The following PLXDC2 variants were observed in gnomAD, a reference collection of about 807,000 sequenced individuals.
The protein encoded by PLXDC2 is plexin domain-containing protein 2.
PLXDC2 carries 40 observed loss-of-function variants against 68.9 expected under a neutral mutation model. That is an observed-to-expected ratio of 0.58 (90% CI 0.45 to 0.76). PLXDC2 has a LOEUF of 0.76. PLXDC2 is among the 30% of genes least tolerant of loss of function. PLXDC2 has a pLI of 0.00. For missense variants in PLXDC2, 644 were observed against 661.9 expected (o/e 0.97, Z 0.30); for synonymous variants, 243 against 234.2 (o/e 1.04, Z -0.34).
intron 9 of PLXDC2, among the ~76,000 whole-genome samples, chr10:20,198,025 A>G (rs1208630272): frequency 6.6e-6 from 1 of 152,166 alleles, no homozygotes; most frequent in Admixed American, 6.6e-5. Flanking sequence ...CTTCTGTTAG[A>G]TAATAAATTT....
chr10:20,270,942 T>TA (rs34934677), intron 13 of PLXDC2, among the ~76,000 whole-genome samples: 170 of 140,200 alleles, frequency 1.2e-3, no homozygotes, highest in African/African-American at 2.7e-3. Flanking sequence ...TTGGGTATCT[T>TA]AAAAAAAAAA....
In PLXDC2 at chr10:20,046,861, T is replaced by C; in HGVS notation, c.325-8T>C. ...GTTCTTGATATACATTATTATCTAT[T>C]ATTGCAGGAGGATACAGACCACAAT... is the stretch of plus-strand genomic sequence containing the variant. On this transcript the variant is annotated splice_region_variant and splice_polypyrimidine_tract_variant and intron_variant, in intron 2 of 13. Transcript: ENST00000377252. 6.3e-7 allele frequency: 1 copy of C among 1,594,184 alleles called. No individual in the cohort carries two copies. The highest frequency in any genetic ancestry group is 1.1e-5 in the South Asian group (1 of 87,396).
intron 4 of PLXDC2, among the ~76,000 whole-genome samples, chr10:20,105,827 A>G (rs1833484298): frequency 6.6e-6 from 1 of 152,218 alleles, no homozygotes; most frequent in Non-Finnish European, 1.5e-5. Flanking sequence ...CAAATCCTCG[A>G]GCTGCTCTCT....
intron 1 of PLXDC2, among the ~76,000 whole-genome samples, chr10:19,826,386 C>G (rs1836569717): frequency 6.6e-6 from 1 of 152,106 alleles, no homozygotes; most frequent in African/African-American, 2.4e-5. Flanking sequence ...AAAAATTGAA[C>G]TAAGAGACAT....
chr10:19,991,665 C>A (rs1185915564), intron 1 of PLXDC2, among the ~76,000 whole-genome samples: 1 of 151,956 alleles, frequency 6.6e-6, no homozygotes, highest in Non-Finnish European at 1.5e-5. Flanking sequence ...GGATTCCAAC[C>A]CCACAAACTG....
At chr10:20,047,648 A>G (rs980091196) in intron 3 of PLXDC2, among the ~76,000 whole-genome samples, 1 of 152,150 alleles carries the variant, frequency 6.6e-6, no homozygotes, top group Non-Finnish European at 1.5e-5. Flanking sequence ...AGGAATATTA[A>G]TACCAGCCTC....
Position 20,177,640 on chromosome 10 carries a change from C to T in PLXDC2, c.1061+231C>T, listed in dbSNP as rs1414754150. On this transcript the variant is annotated intron_variant, in intron 9 of 13. Coordinates refer to ENST00000377252, the MANE Select transcript of PLXDC2 (RefSeq NM_032812.9). ...ACAAATTAACTGGGCATGGCAGGTG[C>T]GTGCCTGTAGTCTCAGCACTTTGGG... is the stretch of plus-strand genomic sequence containing the variant. Among the ~76,000 whole-genome samples the T allele has an allele frequency of 2.0e-5, 3 of 151,450 alleles. 1 individual carries two copies. Among genetic ancestry groups the T allele is most frequent in the South Asian group, 4.2e-4 (2 of 4,774 alleles).
intron 1 of PLXDC2, among the ~76,000 whole-genome samples, chr10:20,000,516 T>C (rs966905573): frequency 1.3e-5 from 2 of 152,118 alleles, no homozygotes; most frequent in Non-Finnish European, 2.9e-5. Flanking sequence ...TATCAGACAA[T>C]AAGAGATCTT....
intron 1 of PLXDC2, among the ~76,000 whole-genome samples, chr10:19,910,868 G>T (rs938645687): frequency 6.6e-6 from 1 of 152,004 alleles, no homozygotes; most frequent in Non-Finnish European, 1.5e-5. Flanking sequence ...AAATTAGCCT[G>T]GTGTGGTGGC....
In PLXDC2 at chr10:19,871,739, C is replaced by T. The variant is rs186146982; in HGVS notation, c.112+54548C>T. On this transcript the variant is annotated intron_variant, in intron 1 of 13. Coordinates refer to ENST00000377252, the MANE Select transcript of PLXDC2 (RefSeq NM_032812.9). ...GTCTCTACTAAAAATACAAAAAATC[C>T]GCCTGGTGTGGTGGTGGGTGCCTGT... is the stretch of plus-strand genomic sequence containing the variant. 1.7e-3 allele frequency among the ~76,000 whole-genome samples: 263 copies of T among 151,920 alleles called. 2 individuals carry two copies. The highest frequency in any genetic ancestry group is 5.8e-3 in the African/African-American group (242 of 41,428).
At chr10:19,895,799 A>G (rs1329760684) in intron 1 of PLXDC2, among the ~76,000 whole-genome samples, 1 of 152,158 alleles carries the variant, frequency 6.6e-6, no homozygotes, top group Admixed American at 6.5e-5. Context: ...TCGTGCCTGT[A>G]ATCCCAGCAC....
chr10:20,122,094 A>G (rs1208336351), intron 4 of PLXDC2, among the ~76,000 whole-genome samples: 1 of 151,946 alleles, frequency 6.6e-6, no homozygotes, highest in Non-Finnish European at 1.5e-5. Flanking sequence ...GTAATCCAGG[A>G]ATAGTCAGGG....
chr10:20,231,404 G>T (rs181906429), intron 12 of PLXDC2, among the ~76,000 whole-genome samples: 1 of 151,198 alleles, frequency 6.6e-6, no homozygotes, highest in Non-Finnish European at 1.5e-5. Flanking sequence ...CTGCTAAAAA[G>T]TATTTAGAAG....
chr10:20,279,923 C>G lies in PLXDC2; in HGVS notation c.*104C>G. On this transcript the variant is annotated 3_prime_UTR_variant, in exon 14 of 14. Coordinates refer to ENST00000377252, the MANE Select transcript of PLXDC2 (RefSeq NM_032812.9). ...AAACAAACACACACACAAACAAGCTCTAAGCTGCTGTAGCCTGAAGAAGAC... is the reference window on the plus strand; with the variant it reads ...AAACAAACACACACACAAACAAGCTGTAAGCTGCTGTAGCCTGAAGAAGAC... 1.2e-6 allele frequency: 1 copy of G among 849,774 alleles called. No individual in the cohort carries two copies. Among genetic ancestry groups the G allele is most frequent in the Non-Finnish European group, 1.9e-6 (1 of 517,700 alleles). The allele number at this position is 849,774 out of a possible 1,614,324, so 52.6% of individuals were successfully genotyped here.
intron 4 of PLXDC2, among the ~76,000 whole-genome samples, chr10:20,072,424 G>GAAAGAAAGAAAGAAAGAAAGAA (rs1554764522): frequency 2.3e-5 from 3 of 130,230 alleles, no homozygotes; most frequent in African/African-American, 8.9e-5. Context: ...GAAAGAAAGA[G>GAAAGAAAGAAAGAAAGAAAGAA]AGAAAGAAAG....
intron 1 of PLXDC2, among the ~76,000 whole-genome samples, chr10:19,860,105 A>T (rs904099502): frequency 6.6e-6 from 1 of 152,122 alleles, no homozygotes; most frequent in Admixed American, 6.5e-5. Context: ...AGCTTATCTG[A>T]GGGTGAGTAT....
intron 1 of PLXDC2, among the ~76,000 whole-genome samples, chr10:19,874,409 T>C (rs77479283): frequency 0.011 from 1,635 of 152,290 alleles, 25 homozygotes; most frequent in African/African-American, 0.035. Context: ...CTAAGTTCCA[T>C]AGGGCACATC....
chr10:19,866,145 A>T (rs751635018), intron 1 of PLXDC2, among the ~76,000 whole-genome samples: 2 of 152,240 alleles, frequency 1.3e-5, no homozygotes, highest in African/African-American at 2.4e-5. Flanking sequence ...TGGGAGGTGG[A>T]ACTGAATAGC....
At chr10:20,090,523 A>G (rs1170549823) in intron 4 of PLXDC2, among the ~76,000 whole-genome samples, 4 of 152,144 alleles carry the variant, frequency 2.6e-5, no homozygotes, top group Admixed American at 6.6e-5. Flanking sequence ...TTTTCCAACT[A>G]TATGCATTCT....
Sources: allele counts gnomAD v4.1 joint callset (sites outside exome capture counted in the v4.1 genomes callset), GRCh38; gene constraint gnomAD v4.1.1; transcripts MANE v1.5; gene names NCBI Gene and HGNC (gene_info 2026-07-23, HGNC 2026-07-21).